The following RXRB variants were observed in gnomAD, a reference collection of about 807,000 sequenced individuals.
RXRB encodes the protein retinoic acid receptor RXR-beta.
RXRB carries 18 observed loss-of-function variants against 52.5 expected under a neutral mutation model. That is an observed-to-expected ratio of 0.34 (90% CI 0.24 to 0.51). The LOEUF is 0.51. Ranked by LOEUF, RXRB falls within the 20% of genes least tolerant of loss-of-function variation. The pLI is 0.97. For missense variants in RXRB, 455 were observed against 698.2 expected, an observed-to-expected ratio of 0.65 and a Z score of 3.92; for synonymous variants, 233 against 267.1, an observed-to-expected ratio of 0.87 and a Z score of 1.25.
At position 33,198,872 on chromosome 6, in the gene RXRB, C is replaced by A. The variant is rs369064389; in HGVS notation, c.483+297G>T. Among the ~76,000 whole-genome samples, 204 of 145,360 alleles carry A rather than the reference C, an allele frequency of 1.4e-3. 4 individuals carry two copies. In the South Asian group the frequency reaches 0.031, roughly 22 times the overall value. ...GAGGTTGCAGTGAGCTGAGATTGTG[C>A]CACTGCACTCCAGCCTGGGCAACAG... On this transcript the variant is annotated intron_variant, in intron 2 of 9. Transcript: ENST00000374680.
intron 1 of RXRB, chr6:33,199,711 C>T (rs890978561): frequency 2.3e-6 from 1 of 432,274 alleles, no homozygotes; most frequent in Non-Finnish European, 4.4e-6. Flanking sequence ...CCAAAAACAG[C>T]GTAACTCCTC....
rs1773767551 is a variant in RXRB, at chr6:33,194,833, G to A, written c.1455-4C>T. ...ACGTAGCAGCAGCTTGGCAAACCTG[G>A]GGTGGAGGTGGGAGAAGGGGATTGA... On this transcript the variant is annotated splice_region_variant and splice_polypyrimidine_tract_variant and intron_variant, in intron 9 of 9. Transcript: ENST00000374680. The surrounding 1 kb of genome is among the most constrained non-coding windows in gnomAD (Gnocchi z 4.1). 6.2e-7 allele frequency: 1 copy of A among 1,612,782 alleles called. No homozygotes were observed. The highest frequency in any genetic ancestry group is 8.5e-7 in the Non-Finnish European group (1 of 1,179,918).
In RXRB at chr6:33,196,294, C is replaced by A. The variant is rs1386755268; in HGVS notation, c.993+140G>T. The A allele has an allele frequency of 9.7e-7, 1 of 1,028,734 alleles. No individual in the cohort carries two copies. The highest frequency in any genetic ancestry group is 1.5e-6 in the Non-Finnish European group (1 of 656,268). 63.7% of individuals were successfully genotyped at this position (1,028,734 alleles called of 1,614,324 possible). ...ACATCCACCTCAGATGTTTGAAAGACCTTGTTTGGCAGCACCTCCAGTCCC... is the reference window on the plus strand; with the variant it reads ...ACATCCACCTCAGATGTTTGAAAGAACTTGTTTGGCAGCACCTCCAGTCCC... On this transcript the variant is annotated intron_variant, in intron 5 of 9. Coordinates refer to ENST00000374680, the MANE Select transcript of RXRB (RefSeq NM_021976.5). The surrounding 1 kb of genome is among the most constrained non-coding windows in gnomAD (Gnocchi z 4.0).
At position 33,196,336 on chromosome 6, in the gene RXRB, G is replaced by A. The variant is rs1562412287; in HGVS notation, c.993+98C>T. 1 of 1,275,488 alleles carries A rather than the reference G, an allele frequency of 7.8e-7. No individual in the cohort carries two copies. The allele number at this position is 1,275,488 out of a possible 1,614,324, so 79.0% of individuals were successfully genotyped here. A position where few individuals can be genotyped will look rare whatever the true frequency, so the allele number is the denominator to read the frequency against. Reference sequence around the variant, plus strand: ...TCCAGTCCCAAGTAGTGTTAGGAAGGTTATGAGGGGAAAGGAGGGGGAGGG... The same window carrying A: ...TCCAGTCCCAAGTAGTGTTAGGAAGATTATGAGGGGAAAGGAGGGGGAGGG... On this transcript the variant is annotated intron_variant, in intron 5 of 9. Coordinates refer to ENST00000374680, the MANE Select transcript of RXRB (RefSeq NM_021976.5). This position sits in a 1 kb window ranked among gnomAD's most constrained non-coding sequence, Gnocchi z 4.0.
At chr6:33,200,756 CCTCAAATCA>C, upstream of RXRB, 9 of 1,541,838 alleles carry the variant, frequency 5.8e-6, no homozygotes, top group Non-Finnish European at 7.9e-6. This position sits in a 1 kb window ranked among gnomAD's most constrained non-coding sequence, Gnocchi z 6.3. Flanking sequence ...CCCACCCTCC[CCTCAAATCA>C]CCTCCACACT....
At position 33,200,287 on chromosome 6, in the gene RXRB, C is replaced by G. The variant is rs768449691; in HGVS notation, c.190G>C (p.Glu64Gln). The G allele has an allele frequency of 1.9e-4, 303 of 1,605,606 alleles. No individual in the cohort carries two copies. Among genetic ancestry groups the G allele is most frequent in the Non-Finnish European group, 2.4e-4 (286 of 1,178,524 alleles). Residue 64 changes from glutamate to glutamine, a missense_variant, in exon 1 of 10, where the codon GAG (glutamate) becomes CAG (glutamine). Transcript: ENST00000374680. This position sits in a 1 kb window ranked among gnomAD's most constrained non-coding sequence, Gnocchi z 6.3. ...AGGEQQTPEP[E>Q]PGEAGRDGMG... The stretch of plus-strand genomic sequence containing the variant: ...CCGTCCCGTCCAGCCTCCCCTGGCT[C>G]CGGCTCCGGGGTTTGTTGTTCTCCG...
chr6:33,196,065 A>T lies in RXRB; in HGVS notation c.994-29T>A. On this transcript the variant is annotated intron_variant, in intron 5 of 9. Coordinates refer to ENST00000374680, the MANE Select transcript of RXRB (RefSeq NM_021976.5). The surrounding 1 kb of genome is among the most constrained non-coding windows in gnomAD (Gnocchi z 4.0). ...CAGGGGACGGGGGTAAGAGTTATGG[A>T]AGATTTTGAGATATGCTGGGAGCCC... 6.2e-7 allele frequency: 1 copy of T among 1,612,322 alleles called. No homozygotes were observed.
rs941785377 is a variant in RXRB at position 33,196,681 on chromosome 6, G to A, written c.821-75C>T. On this transcript the variant is annotated intron_variant, in intron 4 of 9. Transcript: ENST00000374680. The surrounding 1 kb of genome is among the most constrained non-coding windows in gnomAD (Gnocchi z 4.0). ...GAAGGGGTTCCACAAATATCCTTAC[G>A]GCCTCATCAGGATCTCATGGCCCTT... 18 of 1,290,410 alleles carry A rather than the reference G, an allele frequency of 1.4e-5. No homozygotes were observed. Among genetic ancestry groups the A allele is most frequent in the South Asian group, 1.4e-5 (1 of 71,230 alleles). 79.9% of individuals were successfully genotyped at this position (1,290,410 alleles called of 1,614,324 possible).
rs1773997544 is a variant in RXRB at position 33,197,451 on chromosome 6, T to C, written c.820+311A>G. On this transcript the variant is annotated intron_variant, in intron 4 of 9. Transcript: ENST00000374680. The surrounding 1 kb of genome is among the most constrained non-coding windows in gnomAD (Gnocchi z 4.4). ...GGAGACAGAGACCAGAGAAGGTCCA[T>C]GGAATCAGAGGAGGAACCACTCAGG... 6.6e-6 allele frequency among the ~76,000 whole-genome samples: 1 copy of C among 152,208 alleles called. No individual in the cohort carries two copies. Among genetic ancestry groups the C allele is most frequent in the Middle Eastern group, 3.4e-3 (1 of 294 alleles).
chr6:33,194,278 GCC>G lies in RXRB; in HGVS notation c.*402_*403del, dbSNP rs964576267. On this transcript the variant is annotated 3_prime_UTR_variant, in exon 10 of 10. Transcript: ENST00000374680. This position sits in a 1 kb window ranked among gnomAD's most constrained non-coding sequence, Gnocchi z 4.1. ...TCATGTCCATCAGCTTGGGAGGCCT[GCC>G]CCCCAGTATCCACCTCTGGGGGAGT... The G allele has an allele frequency of 6.0e-6, 1 of 166,710 alleles. No homozygotes were observed. The highest frequency in any genetic ancestry group is 1.3e-5 in the Non-Finnish European group (1 of 77,916). The allele number at this position is 166,710 out of a possible 1,614,324, so 10.3% of individuals were successfully genotyped here.
chr6:33,200,132 A>C lies in RXRB; in HGVS notation c.235+110T>G. On this transcript the variant is annotated intron_variant, in intron 1 of 9. Coordinates refer to ENST00000374680, the MANE Select transcript of RXRB (RefSeq NM_021976.5). This position sits in a 1 kb window ranked among gnomAD's most constrained non-coding sequence, Gnocchi z 6.3. The stretch of plus-strand genomic sequence containing the variant: ...CTCGGGAGGGAGGGGACGCGTGTTT[A>C]CAAACAAGGGGGCGGGAGCGCAAGG... 1 of 1,460,064 alleles carries C rather than the reference A, an allele frequency of 6.8e-7. No individual in the cohort carries two copies. Among genetic ancestry groups the C allele is most frequent in the Non-Finnish European group, 9.5e-7 (1 of 1,056,024 alleles). 90.4% of individuals were successfully genotyped at this position (1,460,064 alleles called of 1,614,324 possible).
At position 33,194,513 on chromosome 6, in the gene RXRB, C is replaced by G; in HGVS notation, c.*169G>C. 1 of 649,314 alleles carries G rather than the reference C, an allele frequency of 1.5e-6. No homozygotes were observed. Among genetic ancestry groups the G allele is most frequent in the Non-Finnish European group, 2.5e-6 (1 of 399,770 alleles). The allele number at this position is 649,314 out of a possible 1,614,324, so 40.2% of individuals were successfully genotyped here. On this transcript the variant is annotated 3_prime_UTR_variant, in exon 10 of 10. Coordinates refer to ENST00000374680, the MANE Select transcript of RXRB (RefSeq NM_021976.5). The surrounding 1 kb of genome is among the most constrained non-coding windows in gnomAD (Gnocchi z 4.1). ...CACAGGTATCTGGGGTCCCTTCCAA[C>G]TTGGGATATCAAGCAGATCCCTTGG... is the stretch of plus-strand genomic sequence containing the variant.
Position 33,200,056 on chromosome 6 carries a change from G to T in RXRB, c.235+186C>A, listed in dbSNP as rs560411787. ...GGCCTCAAGCGGTCACAGCTAGGAGGGCGGAAGCTCCCCTTCCCCGCCCCG... is the reference window on the plus strand; with the variant it reads ...GGCCTCAAGCGGTCACAGCTAGGAGTGCGGAAGCTCCCCTTCCCCGCCCCG... On this transcript the variant is annotated intron_variant, in intron 1 of 9. Coordinates refer to ENST00000374680, the MANE Select transcript of RXRB (RefSeq NM_021976.5). This position sits in a 1 kb window ranked among gnomAD's most constrained non-coding sequence, Gnocchi z 6.3. 1 of 905,552 alleles carries T rather than the reference G, an allele frequency of 1.1e-6. No homozygotes were observed. Among genetic ancestry groups the T allele is most frequent in the Admixed American group, 1.7e-5 (1 of 59,112 alleles). The allele number at this position is 905,552 out of a possible 1,614,324, so 56.1% of individuals were successfully genotyped here.
rs776600395 is a variant in RXRB at position 33,196,553 on chromosome 6, C to G, written c.874G>C (p.Ala292Pro). ...GGCATCTCCTCGGGGGCTCCCCCAG[C>G]CCCCTCCCCATCCCCATCCTTGTCC... ...GKDKDGDGEG[A>P]GGAPEEMPVD... Residue 292 changes from alanine to proline, a missense_variant, in exon 5 of 10, where the codon GCT becomes CCT. Ala to Pro is a conservative substitution (Grantham distance 27). Around this residue, in one of 4 missense-constraint regions of RXRB, gnomAD observed 100 missense variants for 141.9 expected, o/e 0.70. Transcript: ENST00000374680. This position sits in a 1 kb window ranked among gnomAD's most constrained non-coding sequence, Gnocchi z 4.0. 3.1e-6 allele frequency: 5 copies of G among 1,612,432 alleles called. No individual in the cohort carries two copies. In the Admixed American group the frequency reaches 8.3e-5, roughly 27 times the overall value.
Position 33,199,207 on chromosome 6 carries a change from C to T in RXRB, c.445G>A (p.Ala149Thr), listed in dbSNP as rs752562972. The T allele has an allele frequency of 3.2e-6, 4 of 1,245,522 alleles. No individual in the cohort carries two copies. The highest frequency in any genetic ancestry group is 2.8e-4 in the Middle Eastern group (1 of 3,582). The allele number at this position is 1,245,522 out of a possible 1,614,324, so 77.2% of individuals were successfully genotyped here. A position where few individuals can be genotyped will look rare whatever the true frequency, so the allele number is the denominator to read the frequency against. ...ACAGGCCCGGAGAATCCTGGGGGAG[C>T]TGGAGGGGGCAGACCAGGGGACCCC... ...SMGSPGLPPP[A>T]PPGFSGPVSS... is the part of the protein sequence containing the mutation. Residue 149 changes from alanine (A) to threonine (T), a missense_variant, in exon 2 of 10, where the codon GCT (alanine) becomes ACT (threonine). Ala to Thr is a moderately conservative substitution (Grantham distance 58, BLOSUM62 0). This residue lies in a region of RXRB where 225 missense variants were observed against 258.6 expected (regional missense o/e 0.87). Coordinates refer to ENST00000374680, the MANE Select transcript of RXRB (RefSeq NM_021976.5).
At position 33,197,006 on chromosome 6, in the gene RXRB, T is replaced by A. The variant is rs1336141364; in HGVS notation, c.821-400A>T. On this transcript the variant is annotated intron_variant, in intron 4 of 9. Transcript: ENST00000374680. This position sits in a 1 kb window ranked among gnomAD's most constrained non-coding sequence, Gnocchi z 4.4. ...ATGCTGGAAGCATTTATTCTCATTTTTAAGATGAAGAACTCGGGGTTCAAA... is the reference window on the plus strand; with the variant it reads ...ATGCTGGAAGCATTTATTCTCATTTATAAGATGAAGAACTCGGGGTTCAAA... Among the ~76,000 whole-genome samples, 1 of 152,246 alleles carries A rather than the reference T, an allele frequency of 6.6e-6. No homozygotes were observed. Among genetic ancestry groups the A allele is most frequent in the Non-Finnish European group, 1.5e-5 (1 of 68,042 alleles).
At position 33,195,844 on chromosome 6, in the gene RXRB, A is replaced by G. The variant is rs1773853336; in HGVS notation, c.1123+63T>C. On this transcript the variant is annotated intron_variant, in intron 6 of 9. Coordinates refer to ENST00000374680, the MANE Select transcript of RXRB (RefSeq NM_021976.5). The surrounding 1 kb of genome is among the most constrained non-coding windows in gnomAD (Gnocchi z 8.6). Reference sequence around the variant, plus strand: ...GCAAGGTAAGGCCACTGGGGTCACTAAAGATCGGGAAGTCAAAGAGGGGTC... The same window carrying G: ...GCAAGGTAAGGCCACTGGGGTCACTGAAGATCGGGAAGTCAAAGAGGGGTC... The G allele has an allele frequency of 1.2e-5, 20 of 1,605,740 alleles. No homozygotes were observed. Among genetic ancestry groups the G allele is most frequent in the South Asian group, 2.2e-5 (2 of 90,930 alleles).
chr6:33,197,425 A>T lies in RXRB; in HGVS notation c.820+337T>A, dbSNP rs181214255. Among the ~76,000 whole-genome samples, 176 of 152,330 alleles carry T rather than the reference A, an allele frequency of 1.2e-3. No individual in the cohort carries two copies. Among genetic ancestry groups the T allele is most frequent in the Non-Finnish European group, 1.9e-4 (13 of 68,020 alleles). On this transcript the variant is annotated intron_variant, in intron 4 of 9. Transcript: ENST00000374680. This position sits in a 1 kb window ranked among gnomAD's most constrained non-coding sequence, Gnocchi z 4.4. The stretch of plus-strand genomic sequence containing the variant: ...AGTTAGAGGAAAGATCACAGATAAC[A>T]GGAGACAGAGACCAGAGAAGGTCCA...
At chr6:33,199,847 G>C (rs1774301620) in intron 1 of RXRB, 1 of 588,488 alleles carries the variant, frequency 1.7e-6, no homozygotes, top group African/African-American at 1.8e-5. Flanking sequence ...GGGTGGGGCA[G>C]CACGTGGGGT....
Sources: gnomAD v4.1 joint callset for allele counts (sites outside exome capture counted in the v4.1 genomes callset) on GRCh38, gnomAD v4.1.1 for gene constraint, gnomAD v4.1.1 regional missense constraint, Gnocchi (gnomAD v3.1) non-coding constraint, MANE v1.5 for transcripts, NCBI Gene and HGNC (gene_info 2026-07-23, HGNC 2026-07-21) for gene names.